The following RPIA variants were observed in gnomAD, a reference collection of about 807,000 sequenced individuals.
RPIA encodes the protein ribose 5-phosphate isomerase A.
A neutral mutation model predicts 37.8 loss-of-function variants in RPIA; 29 were observed. The observed-to-expected ratio is 0.77, with a 90% confidence interval of 0.57 to 1.05. The LOEUF (loss-of-function observed/expected upper bound fraction) is 1.05. RPIA is among the 50% of genes least tolerant of loss of function. RPIA has a pLI of 0.00. For missense variants in RPIA, 385 were observed against 413.6 expected (o/e 0.93, Z 0.60); for synonymous variants, 167 against 157.0 (o/e 1.06, Z -0.48).
intron 8 of RPIA, among the ~76,000 whole-genome samples, chr2:88,741,004 G>A (rs1027665586): frequency 2.6e-5 from 4 of 152,162 alleles, no homozygotes; most frequent in East Asian, 1.9e-4. Context: ...TTCGTCACTC[G>A]ATCACTACTC....
intron 3 of RPIA, among the ~76,000 whole-genome samples, chr2:88,703,806 T>C (rs929507608): frequency 3.3e-5 from 5 of 152,246 alleles, no homozygotes; most frequent in African/African-American, 4.8e-5. Flanking sequence ...GATTTTCTTT[T>C]CTATCGGATT....
intron 7 of RPIA, 95 bp from the exon 8 acceptor site, chr2:88,737,882 A>G (rs1460017346): frequency 8.8e-6 from 8 of 904,494 alleles, no homozygotes; most frequent in Non-Finnish European, 1.3e-5. Flanking sequence ...GCAGGTTAAA[A>G]TGCATACTTG....
chr2:88,693,055 A>G (rs1410676933), intron 1 of RPIA, among the ~76,000 whole-genome samples: 1 of 152,194 alleles, frequency 6.6e-6, no homozygotes, highest in Non-Finnish European at 1.5e-5. Flanking sequence ...TAACAGAGAT[A>G]ATGTAAAATG....
At chr2:88,693,766 T>C (rs1573457319) in intron 1 of RPIA, among the ~76,000 whole-genome samples, 1 of 152,228 alleles carries the variant, frequency 6.6e-6, no homozygotes, top group Admixed American at 6.5e-5. Context: ...TCCTGTTCTC[T>C]AGTCCATTGG....
Position 88,734,950 on chromosome 2 carries a change from G to T in RPIA, c.527+334G>T, listed in dbSNP as rs181812364. Among the ~76,000 whole-genome samples the T allele has an allele frequency of 1.2e-3, 185 of 152,308 alleles. 3 individuals are homozygous for T. Among genetic ancestry groups the T allele is most frequent in the Middle Eastern group, 6.8e-3 (2 of 294 alleles). On this transcript the variant is annotated intron_variant, in intron 5 of 8. Transcript: ENST00000283646. ...GTTAGGTCTGTGGGCACCAGTGTGT[G>T]ACTTTTGCTTTAAAGCTGTGCTTAC... is the stretch of plus-strand genomic sequence containing the variant.
At chr2:88,699,447 A>G (rs2104073735) in intron 2 of RPIA, among the ~76,000 whole-genome samples, 1 of 151,990 alleles carries the variant, frequency 6.6e-6, no homozygotes, top group South Asian at 2.1e-4. Flanking sequence ...ACAAATCCAA[A>G]TTGAAAAAAT....
At chr2:88,710,867 C>T (rs1039127090) in intron 3 of RPIA, among the ~76,000 whole-genome samples, 11 of 152,204 alleles carry the variant, frequency 7.2e-5, no homozygotes, top group East Asian at 1.9e-4. Context: ...CTTCACTCCT[C>T]GAGCTCTTAC....
chr2:88,735,894 T>G (rs781388870), intron 6 of RPIA, among the ~76,000 whole-genome samples, 157 bp downstream of exon 6: 1 of 152,226 alleles, frequency 6.6e-6, no homozygotes, highest in Admixed American at 6.5e-5. Context: ...GGAGACCTTA[T>G]GTTCTGCTTG....
chr2:88,743,829 C>T (rs1444922761), intron 8 of RPIA, among the ~76,000 whole-genome samples: 1 of 152,090 alleles, frequency 6.6e-6, no homozygotes, highest in Admixed American at 6.5e-5. Flanking sequence ...CTTGAATGAT[C>T]TTTTGTATTT....
At chr2:88,721,100 C>T (rs1456266412) in intron 3 of RPIA, among the ~76,000 whole-genome samples, 2 of 152,000 alleles carry the variant, frequency 1.3e-5, no homozygotes, top group African/African-American at 4.8e-5. Context: ...TCATTCTTAG[C>T]AAACTAACAC....
chr2:88,750,027 C>T lies in RPIA; in HGVS notation c.885C>T (p.Tyr295=), dbSNP rs1357057090. The T allele has an allele frequency of 1.9e-6, 3 of 1,613,284 alleles. No homozygotes were observed. ...TCATCAACATGGCTGAGAGAGTCTA[C>T]TTTGGGATGCAGGATGGCTCAGTGA... is the stretch of plus-strand genomic sequence containing the variant. The part of the protein sequence containing the change: ...GLFINMAERV[Y]FGMQDGSVNM... The change falls in exon 9 of 9, where the codon TAC becomes TAT. Residue 295 remains tyrosine, a synonymous_variant. Coordinates refer to ENST00000283646, the MANE Select transcript of RPIA (RefSeq NM_144563.3).
intron 3 of RPIA, among the ~76,000 whole-genome samples, chr2:88,702,419 A>T (rs1308195727): frequency 7.4e-6 from 1 of 135,550 alleles, no homozygotes; most frequent in Non-Finnish European, 1.6e-5. Context: ...GTTTAATTGG[A>T]CTTACAGTTC....
chr2:88,697,234 C>T lies in RPIA; in HGVS notation c.286-1250C>T, dbSNP rs563371075. On this transcript the variant is annotated intron_variant, in intron 1 of 8. Coordinates refer to ENST00000283646, the MANE Select transcript of RPIA (RefSeq NM_144563.3). The stretch of plus-strand genomic sequence containing the variant: ...GAAGGATATCCAGTAGTCTCTTTTG[C>T]TCATTTCAAAGTCTTAAGTTTTTCC... Among the ~76,000 whole-genome samples the T allele has an allele frequency of 2.0e-5, 3 of 152,296 alleles. No homozygotes were observed. The South Asian group carries it at 6.2e-4, about 32-fold the overall frequency.
At chr2:88,692,090 G>A (rs1676943706) in intron 1 of RPIA, 107 bp downstream of exon 1, 3 of 1,387,056 alleles carry the variant, frequency 2.2e-6, no homozygotes, top group Non-Finnish European at 2.9e-6. Context: ...GGCAGGGCGG[G>A]AGCTGAGTGA....
In RPIA at chr2:88,736,571, G is replaced by C. The variant is rs72930711; in HGVS notation, c.633G>C (p.Lys211Asn). Residue 211 changes from lysine to asparagine, a missense_variant, in exon 7 of 9, where the codon AAG (lysine) becomes AAC (asparagine). Lys to Asn is a moderately conservative substitution (Grantham distance 94). This residue lies in a region of RPIA where 153 missense variants were observed against 210.6 expected (regional missense o/e 0.73). Transcript: ENST00000283646. The stretch of plus-strand genomic sequence containing the variant: ...AGAATCTCGGGGATCAGTGGCACAA[G>C]GGAATCCCCATCGAGGTCATCCCAA... ...DSKNLGDQWHKGIPIEVIPMA... is the reference protein window; with the variant it reads ...DSKNLGDQWHNGIPIEVIPMA... 1.1e-5 allele frequency: 17 copies of C among 1,613,984 alleles called. No homozygotes were observed. In the African/African-American group the frequency reaches 2.0e-4, roughly 19 times the overall value.
chr2:88,696,633 C>A (rs1455829779), intron 1 of RPIA, among the ~76,000 whole-genome samples: 1 of 152,042 alleles, frequency 6.6e-6, no homozygotes, highest in Non-Finnish European at 1.5e-5. Context: ...ATTTAACTCA[C>A]TAAATTAATG....
intron 3 of RPIA, among the ~76,000 whole-genome samples, chr2:88,715,681 C>T (rs960790280): frequency 6.6e-6 from 1 of 152,142 alleles, no homozygotes; most frequent in African/African-American, 2.4e-5. Flanking sequence ...ACTTTTGGGA[C>T]GTTCTGTGGT....
intron 1 of RPIA, 85 bp downstream of exon 1, chr2:88,692,068 C>G (rs1676943287): frequency 1.4e-6 from 2 of 1,481,452 alleles, no homozygotes; most frequent in African/African-American, 2.8e-5. Context: ...TGCCGGGGCG[C>G]GCCTAGCTCC....
At chr2:88,726,949 G>C (rs1023067989) in intron 3 of RPIA, among the ~76,000 whole-genome samples, 8 of 152,192 alleles carry the variant, frequency 5.3e-5, no homozygotes, top group Admixed American at 4.6e-4. Context: ...ATGTTGGTCA[G>C]ACTGGTCTTG....
Sources: allele counts gnomAD v4.1 joint callset (sites outside exome capture counted in the v4.1 genomes callset), GRCh38; gene constraint gnomAD v4.1.1; regional missense constraint gnomAD v4.1.1; transcripts MANE v1.5; gene names NCBI Gene and HGNC (gene_info 2026-07-23, HGNC 2026-07-21).